The following AGR3 variants were observed in gnomAD, a reference collection of about 807,000 sequenced individuals.
AGR3 encodes anterior gradient 3, protein disulphide isomerase family member.
In AGR3, 37 loss-of-function variants were observed where a neutral mutation model predicts 24.5. The ratio of observed to expected loss-of-function variants is 1.51; its 90% CI spans 1.16 to 1.99. The LOEUF (loss-of-function observed/expected upper bound fraction) is 1.99, where lower values mean the gene tolerates loss of function less well. AGR3 is among the 30% of genes most tolerant of loss of function. AGR3 has a pLI of 0.00. For missense variants in AGR3, 228 were observed against 191.1 expected (o/e 1.19, Z -1.14); for synonymous variants, 75 against 61.6 (o/e 1.22, Z -1.02).
intron 3 of AGR3, chr7:16,873,568 G>A (rs1781925527): frequency 5.7e-6 from 3 of 530,682 alleles, no homozygotes; most frequent in Non-Finnish European, 1.0e-5. Context: ...ATAGTTTATT[G>A]TATATATTTA....
chr7:16,862,938 G>A (rs1031103528), intron 3 of AGR3, among the ~76,000 whole-genome samples: 2 of 152,212 alleles, frequency 1.3e-5, no homozygotes, highest in Admixed American at 6.5e-5. Context: ...GGGCACAGTG[G>A]TGTGAGCCTG....
intron 6 of AGR3, among the ~76,000 whole-genome samples, chr7:16,860,895 A>G (rs1781628498): frequency 6.6e-6 from 1 of 152,194 alleles, no homozygotes; most frequent in Non-Finnish European, 1.5e-5. Context: ...ATGTGTGAAC[A>G]TTCACTATTT....
chr7:16,881,666 A>G (rs1022486573), intron 1 of AGR3, among the ~76,000 whole-genome samples: 1 of 152,212 alleles, frequency 6.6e-6, no homozygotes, highest in Admixed American at 6.5e-5. Flanking sequence ...AACAAGACTT[A>G]AAAGAATATA....
Position 16,860,591 on chromosome 7 carries a change from G to A in AGR3, c.368-8C>T. The A allele has an allele frequency of 6.3e-7, 1 of 1,598,222 alleles. No homozygotes were observed. The highest frequency in any genetic ancestry group is 2.2e-5 in the East Asian group (1 of 44,758). On this transcript the variant is annotated splice_region_variant and splice_polypyrimidine_tract_variant and intron_variant, in intron 6 of 7. Transcript: ENST00000310398. ...TAACTGTTAAAGAAGGGTCTGTCAA[G>A]GAAAAAACCAAGTCACGAAAGTATA...
chr7:16,859,694 T>C (rs1781604557), intron 7 of AGR3, 63 bp from the exon 8 acceptor site: 1 of 1,114,016 alleles, frequency 9.0e-7, no homozygotes, highest in Admixed American at 2.5e-5. Context: ...CTATGATCTA[T>C]TAACTCTAGA....
chr7:16,880,108 T>TTTCCTTCCTTCCTTCCTTCCTTCTTTCC (rs3052034), intron 1 of AGR3, among the ~76,000 whole-genome samples: 2 of 135,756 alleles, frequency 1.5e-5, no homozygotes, highest in Non-Finnish European at 3.1e-5. Context: ...TCCTTCCTTC[T>TTTCCTTCCTTCCTTCCTTCCTTCTTTCC]TTCCTTCCTT....
chr7:16,878,248 A>C (rs944806223), intron 2 of AGR3, among the ~76,000 whole-genome samples: 8 of 152,184 alleles, frequency 5.3e-5, no homozygotes, highest in Non-Finnish European at 1.2e-4. Context: ...CTGGTTACCA[A>C]AGTTATAGAC....
downstream of AGR3, among the ~76,000 whole-genome samples, chr7:16,857,615 A>G (rs1036441210): frequency 9.9e-5 from 15 of 152,200 alleles, no homozygotes; most frequent in African/African-American, 3.6e-4. Flanking sequence ...TCATTAAAAT[A>G]AAAGCTCTAG....
At chr7:16,863,812 T>A (rs562928811) in intron 3 of AGR3, among the ~76,000 whole-genome samples, 7 of 152,276 alleles carry the variant, frequency 4.6e-5, no homozygotes, top group Admixed American at 2.6e-4. Flanking sequence ...TGTGTTTAGA[T>A]TGTTCCTAAA....
Position 16,859,572 on chromosome 7 carries a change from C to A in AGR3, c.*10G>T. The A allele has an allele frequency of 6.5e-7, 1 of 1,543,644 alleles. No homozygotes were observed. Among genetic ancestry groups the A allele is most frequent in the East Asian group, 2.3e-5 (1 of 43,890 alleles). On this transcript the variant is annotated 3_prime_UTR_variant, in exon 8 of 8. Coordinates refer to ENST00000310398, the MANE Select transcript of AGR3 (RefSeq NM_176813.5). ...ACTTCTTTGAAGTGAAGGCTTTTTT[C>A]CATCATCTCTTATAGCTCTGACTGA...
intron 3 of AGR3, among the ~76,000 whole-genome samples, chr7:16,867,335 A>G (rs1781776936): frequency 6.6e-6 from 1 of 152,140 alleles, no homozygotes; most frequent in African/African-American, 2.4e-5. Flanking sequence ...TTCCTGTAGT[A>G]TCTATCTATC....
chr7:16,865,719 T>C (rs1781746407), intron 3 of AGR3: 1 of 766,438 alleles, frequency 1.3e-6, no homozygotes, highest in African/African-American at 1.7e-5. Context: ...AGAAACTCTT[T>C]GCAAACTGCT....
At chr7:16,855,595 G>C (rs901873956), downstream of AGR3, among the ~76,000 whole-genome samples, 3 of 152,120 alleles carry the variant, frequency 2.0e-5, no homozygotes, top group Admixed American at 2.0e-4. Flanking sequence ...AAGGGGGCTG[G>C]GGACAGGGAC....
chr7:16,866,289 C>T (rs192810252), intron 3 of AGR3: 73 of 548,678 alleles, frequency 1.3e-4, no homozygotes, highest in Admixed American at 9.9e-4. Context: ...TATCTTTGGT[C>T]TAAGAAAAGT....
intron 3 of AGR3, among the ~76,000 whole-genome samples, chr7:16,873,180 A>G (rs1781917525): frequency 1.3e-5 from 2 of 152,230 alleles, no homozygotes; most frequent in South Asian, 2.1e-4. Flanking sequence ...TAGCCAAGAT[A>G]TAGAATCAAC....
chr7:16,864,279 C>A (rs891630203), intron 3 of AGR3: 7 of 1,353,644 alleles, frequency 5.2e-6, no homozygotes, highest in Non-Finnish European at 6.3e-6. Flanking sequence ...TCCCATCACT[C>A]TCATAGTCTT....
intron 5 of AGR3, 140 bp downstream of exon 5, chr7:16,861,844 T>A (rs2115299450): frequency 1.4e-6 from 1 of 699,696 alleles, no homozygotes; most frequent in East Asian, 2.9e-5. Context: ...GAGGTTGCTG[T>A]GAGCCCAGAT....
chr7:16,862,154 G>T, intron 4 of AGR3, 94 bp from the exon 5 acceptor site: 3 of 975,668 alleles, frequency 3.1e-6, no homozygotes, highest in Non-Finnish European at 4.8e-6. Context: ...GCATTTGTTT[G>T]CATATATAAC....
intron 2 of AGR3, among the ~76,000 whole-genome samples, chr7:16,878,208 C>T (rs117810380): frequency 4.0e-5 from 6 of 151,742 alleles, no homozygotes; most frequent in Non-Finnish European, 5.9e-5. Flanking sequence ...ACCAATATGA[C>T]GCAGCAATCA....
Sources: allele counts gnomAD v4.1 joint callset (sites outside exome capture counted in the v4.1 genomes callset), GRCh38; gene constraint gnomAD v4.1.1; transcripts MANE v1.5; gene names NCBI Gene and HGNC (gene_info 2026-07-23, HGNC 2026-07-21).